The following RANBP2 variants were observed in gnomAD, a reference collection of about 807,000 sequenced individuals.
The protein encoded by RANBP2 is E3 SUMO-protein ligase RanBP2.
Under a neutral mutation model 303.6 loss-of-function variants are expected in RANBP2, and 57 were observed. The ratio of observed to expected loss-of-function variants is 0.19; its 90% CI spans 0.15 to 0.23. The LOEUF (loss-of-function observed/expected upper bound fraction) is 0.23, where lower values mean the gene tolerates loss of function less well. Ranked by LOEUF, RANBP2 falls within the 10% of genes least tolerant of loss-of-function variation. The pLI is 1.00. For missense variants in RANBP2, 3,138 were observed against 3,780.8 expected (o/e 0.83, Z 4.46); for synonymous variants, 1,167 against 1,301.5 (o/e 0.90, Z 2.23).
chr2:108,913,340 A>C, the RANBP2 span, among the ~76,000 whole-genome samples: 6 of 152,326 alleles, frequency 3.9e-5, no homozygotes, highest in South Asian at 8.3e-4. Flanking sequence ...TCACCAACTC[A>C]ATTTTCCTAT....
chr2:109,078,184 CAT>C, the RANBP2 span, among the ~76,000 whole-genome samples: 3,118 of 60,718 alleles, frequency 0.051, 280 homozygotes, highest in African/African-American at 0.075. Flanking sequence ...ATATATATAG[CAT>C]ATATATATAG....
At chr2:109,516,183 C>T in the RANBP2 span, among the ~76,000 whole-genome samples, 4 of 152,090 alleles carry the variant, frequency 2.6e-5, no homozygotes, top group Admixed American at 2.6e-4. Context: ...CCCACCAGGC[C>T]TCCTGGCACT....
chr2:109,224,656 A>C, the RANBP2 span, among the ~76,000 whole-genome samples: 1 of 152,198 alleles, frequency 6.6e-6, no homozygotes, highest in Admixed American at 6.5e-5. Flanking sequence ...TCAGGAGTTC[A>C]AGACCAACCT....
the RANBP2 span, among the ~76,000 whole-genome samples, chr2:108,860,478 A>G: frequency 6.6e-6 from 1 of 151,344 alleles, no homozygotes; most frequent in African/African-American, 2.4e-5. Context: ...TTTGTCATAA[A>G]TGACTCTTAT....
At chr2:108,906,310 T>G in the RANBP2 span, 1 of 1,614,042 alleles carries the variant, frequency 6.2e-7, no homozygotes, top group South Asian at 1.1e-5. Flanking sequence ...CAGCTTACCT[T>G]CCACGACTCC....
chr2:109,060,295 G>A, the RANBP2 span, among the ~76,000 whole-genome samples: 8 of 152,170 alleles, frequency 5.3e-5, no homozygotes, highest in African/African-American at 1.2e-4. Context: ...GTTGGTAACC[G>A]AATACAGGTG....
At chr2:109,002,360 C>T in the RANBP2 span, among the ~76,000 whole-genome samples, 1 of 152,216 alleles carries the variant, frequency 6.6e-6, no homozygotes, top group East Asian at 1.9e-4. Flanking sequence ...AAGGGCACCA[C>T]ACTTGCCTCC....
At chr2:109,029,975 G>T in the RANBP2 span, among the ~76,000 whole-genome samples, 1 of 152,184 alleles carries the variant, frequency 6.6e-6, no homozygotes, top group East Asian at 1.9e-4. Flanking sequence ...TGTATTGATG[G>T]ATTGATTGAT....
At chr2:109,388,084 C>G in the RANBP2 span, among the ~76,000 whole-genome samples, 21 of 152,090 alleles carry the variant, frequency 1.4e-4, no homozygotes, top group Admixed American at 2.0e-4. Context: ...GACCCCTGTG[C>G]ACACACATGC....
the RANBP2 span, chr2:109,613,731 C>A: frequency 1.9e-6 from 2 of 1,077,190 alleles, no homozygotes; most frequent in South Asian, 4.6e-5. Flanking sequence ...GCCGGTGGGT[C>A]GAGGGCGGGA....
At chr2:109,608,726 T>C in the RANBP2 span, among the ~76,000 whole-genome samples, 7 of 152,348 alleles carry the variant, frequency 4.6e-5, 1 homozygote, top group African/African-American at 1.4e-4. Context: ...ATGAGATACA[T>C]GATTCCTCCT....
the RANBP2 span, among the ~76,000 whole-genome samples, chr2:108,863,923 C>T: frequency 6.6e-6 from 1 of 152,160 alleles, no homozygotes; most frequent in African/African-American, 2.4e-5. Flanking sequence ...TGAATGCTGC[C>T]AGATTTACAG....
At chr2:109,506,691 CTGT>C in the RANBP2 span, among the ~76,000 whole-genome samples, 1 of 152,220 alleles carries the variant, frequency 6.6e-6, no homozygotes, top group African/African-American at 2.4e-5. Flanking sequence ...CCAAGAAGTT[CTGT>C]TGTTAGCTCT....
the RANBP2 span, among the ~76,000 whole-genome samples, chr2:109,727,492 A>G: frequency 6.6e-6 from 1 of 152,214 alleles, no homozygotes; most frequent in Non-Finnish European, 1.5e-5. Flanking sequence ...TTTTCACTAC[A>G]TGTACCTGCT....
chr2:108,862,077 G>GTTTTTTTTT, the RANBP2 span, among the ~76,000 whole-genome samples: 2 of 141,384 alleles, frequency 1.4e-5, no homozygotes, highest in Non-Finnish European at 1.5e-5. Flanking sequence ...TATGATTTCA[G>GTTTTTTTTT]TTTTTTTTTT....
the RANBP2 span, among the ~76,000 whole-genome samples, chr2:109,278,754 C>T: frequency 3.3e-5 from 5 of 152,172 alleles, no homozygotes; most frequent in African/African-American, 1.2e-4. Context: ...GATGCAAGCC[C>T]ATCTGTACCC....
chr2:109,637,016 T>C, the RANBP2 span, among the ~76,000 whole-genome samples: 7 of 152,128 alleles, frequency 4.6e-5, no homozygotes, highest in East Asian at 1.4e-3. Context: ...CCCTCTGTTT[T>C]TATTGATTAT....
the RANBP2 span, among the ~76,000 whole-genome samples, chr2:109,073,666 C>T: frequency 3.0e-4 from 44 of 148,008 alleles, no homozygotes; most frequent in African/African-American, 9.1e-4. Context: ...GAGACTCTGT[C>T]TCAAAAGAAA....
At chr2:109,266,098 ATGTG>A in the RANBP2 span, among the ~76,000 whole-genome samples, 1 of 139,894 alleles carries the variant, frequency 7.1e-6, no homozygotes, top group Admixed American at 7.0e-5. Context: ...TTGTGCGTGC[ATGTG>A]TGTGTTGTGT....
Sources: allele counts gnomAD v4.1 joint callset (sites outside exome capture counted in the v4.1 genomes callset), GRCh38; gene constraint gnomAD v4.1.1; transcripts MANE v1.5; gene names NCBI Gene and HGNC (gene_info 2026-07-23, HGNC 2026-07-21).